SLC35F4: variants seen among roughly 807,000 people sequenced by gnomAD.
SLC35F4 encodes the protein solute carrier family 35 member F4, also known as chromosome 14 open reading frame 36.
Under a neutral mutation model 44.2 loss-of-function variants are expected in SLC35F4, and 24 were observed. That is an observed-to-expected ratio of 0.54 (90% CI 0.39 to 0.76). The LOEUF is 0.76. SLC35F4 is among the 30% of genes least tolerant of loss of function. SLC35F4 has a pLI of 0.00. For missense variants in SLC35F4, 562 were observed against 586.1 expected, an observed-to-expected ratio of 0.96 and a Z score of 0.42; for synonymous variants, 238 against 223.6, an observed-to-expected ratio of 1.06 and a Z score of -0.57.
chr14:57,589,135 A>G, intron 3 of SLC35F4, 81 bp downstream of exon 3: 2 of 1,464,136 alleles, frequency 1.4e-6, no homozygotes, highest in East Asian at 2.3e-5. Context: ...AACTCAACTC[A>G]TATTCCCAAG....
intron 1 of SLC35F4, among the ~76,000 whole-genome samples, chr14:57,957,752 T>C (rs2141085581): frequency 6.6e-6 from 1 of 152,316 alleles, no homozygotes; most frequent in South Asian, 2.1e-4. Context: ...TGAATACCAA[T>C]TCTGGCACCC....
intron 5 of SLC35F4, 40 bp downstream of exon 5, chr14:57,571,854 A>C: frequency 6.3e-7 from 1 of 1,593,996 alleles, no homozygotes. Flanking sequence ...AGTCTAAGTT[A>C]TGAGTGACAG....
intron 2 of SLC35F4, among the ~76,000 whole-genome samples, chr14:57,591,004 T>C (rs951837078): frequency 1.3e-5 from 2 of 152,190 alleles, no homozygotes; most frequent in Non-Finnish European, 2.9e-5. Flanking sequence ...CTGGGGAATA[T>C]AAACCAAGTA....
At chr14:57,572,735 T>C (rs2068578606) in intron 4 of SLC35F4, among the ~76,000 whole-genome samples, 1 of 152,214 alleles carries the variant, frequency 6.6e-6, no homozygotes, top group Non-Finnish European at 1.5e-5. Flanking sequence ...TATTCATAAT[T>C]CAACTGAAGT....
chr14:57,770,249 G>C (rs189637609), intron 1 of SLC35F4, among the ~76,000 whole-genome samples: 8 of 152,328 alleles, frequency 5.3e-5, no homozygotes, highest in Admixed American at 2.0e-4. Context: ...GGCTCTTCCT[G>C]TCCGACAAGT....
intron 1 of SLC35F4, among the ~76,000 whole-genome samples, chr14:57,847,044 A>G (rs566544609): frequency 5.4e-4 from 82 of 152,376 alleles, no homozygotes; most frequent in African/African-American, 1.8e-3. Flanking sequence ...AGAAATATTT[A>G]TAGCAAGTTG....
chr14:57,703,641 T>A (rs755924421), intron 1 of SLC35F4, among the ~76,000 whole-genome samples: 1 of 152,188 alleles, frequency 6.6e-6, no homozygotes, highest in Non-Finnish European at 1.5e-5. Flanking sequence ...CTTAAGCACG[T>A]CTATTTCCCC....
intron 1 of SLC35F4, among the ~76,000 whole-genome samples, chr14:57,695,633 A>G (rs940099047): frequency 6.6e-6 from 1 of 152,098 alleles, no homozygotes; most frequent in African/African-American, 2.4e-5. Flanking sequence ...GGGATCTAGA[A>G]CTAGAAATAC....
chr14:57,681,335 C>G (rs2074897919), intron 1 of SLC35F4, among the ~76,000 whole-genome samples: 1 of 152,076 alleles, frequency 6.6e-6, no homozygotes. Context: ...AAAGCTGAAA[C>G]TGGATCCCTT....
At chr14:57,857,855 G>T (rs1377356212) in intron 1 of SLC35F4, among the ~76,000 whole-genome samples, 3 of 152,032 alleles carry the variant, frequency 2.0e-5, no homozygotes, top group Admixed American at 6.5e-5. Context: ...CAGAGAGGGA[G>T]CACTGGGGCC....
At chr14:57,601,587 T>C (rs1422800542) in intron 1 of SLC35F4, among the ~76,000 whole-genome samples, 1 of 152,210 alleles carries the variant, frequency 6.6e-6, no homozygotes, top group Non-Finnish European at 1.5e-5. Flanking sequence ...TAATTTCTAA[T>C]TCATTTTGTA....
chr14:57,814,248 A>G (rs1882317563), intron 1 of SLC35F4, among the ~76,000 whole-genome samples: 1 of 152,248 alleles, frequency 6.6e-6, no homozygotes, highest in Non-Finnish European at 1.5e-5. Flanking sequence ...CATTAAACAT[A>G]TTTAATAAAG....
intron 1 of SLC35F4, among the ~76,000 whole-genome samples, chr14:57,874,179 A>G (rs1359231160): frequency 6.6e-6 from 1 of 152,134 alleles, no homozygotes; most frequent in Non-Finnish European, 1.5e-5. Context: ...GCTGTTTCAA[A>G]AGGATTTTCT....
At chr14:57,774,507 C>T (rs769228570) in intron 1 of SLC35F4, among the ~76,000 whole-genome samples, 12 of 152,206 alleles carry the variant, frequency 7.9e-5, no homozygotes, top group Non-Finnish European at 1.6e-4. Flanking sequence ...GCTCGACTTG[C>T]TCCTATGGGA....
downstream of SLC35F4, among the ~76,000 whole-genome samples, chr14:57,972,996 C>T (rs772180479): frequency 2.0e-5 from 3 of 152,206 alleles, no homozygotes; most frequent in Admixed American, 2.0e-4. Context: ...TTAATCTTTA[C>T]AACACTGCTC....
At chr14:57,679,927 C>G (rs1302776380) in intron 1 of SLC35F4, among the ~76,000 whole-genome samples, 1 of 151,994 alleles carries the variant, frequency 6.6e-6, no homozygotes, top group Non-Finnish European at 1.5e-5. Context: ...AGATTCATAG[C>G]CAAATACTAC....
At chr14:57,776,665 C>CAAAAAAAAAAAAAAAAAAAAAAAA (rs57272978) in intron 1 of SLC35F4, among the ~76,000 whole-genome samples, 3 of 72,068 alleles carry the variant, frequency 4.2e-5, no homozygotes, top group African/African-American at 1.4e-4. Flanking sequence ...GACTCCATCT[C>CAAAAAAAAAAAAAAAAAAAAAAAA]AAAAAAAAAA....
At chr14:57,761,646 G>A (rs1406664324) in intron 1 of SLC35F4, among the ~76,000 whole-genome samples, 1 of 151,994 alleles carries the variant, frequency 6.6e-6, no homozygotes, top group African/African-American at 2.4e-5. Context: ...GAGACATGAA[G>A]TCAATAAAGC....
chr14:57,872,276 C>T (rs907988799), intron 1 of SLC35F4, among the ~76,000 whole-genome samples: 1 of 151,992 alleles, frequency 6.6e-6, no homozygotes, highest in Non-Finnish European at 1.5e-5. Flanking sequence ...TGATTCCCAT[C>T]AGTAGAACTT....
Sources: allele counts gnomAD v4.1 joint callset (sites outside exome capture counted in the v4.1 genomes callset), GRCh38; gene constraint gnomAD v4.1.1; transcripts MANE v1.5; gene names NCBI Gene and HGNC (gene_info 2026-07-23, HGNC 2026-07-21).